Variants in PPP1R13B observed in about 807,000 individuals in gnomAD.
PPP1R13B encodes the protein protein phosphatase 1 regulatory subunit 13B.
A neutral mutation model predicts 119.8 loss-of-function variants in PPP1R13B; 44 were observed. The observed-to-expected ratio is 0.37, with a 90% confidence interval of 0.29 to 0.47. PPP1R13B has a LOEUF of 0.47. Ranked by LOEUF, PPP1R13B falls within the 20% of genes least tolerant of loss-of-function variation. PPP1R13B has a pLI of 0.99. For synonymous variants in PPP1R13B, 542 were observed against 561.5 expected (o/e 0.97, Z 0.49); for missense variants, 1,227 against 1,413.5 (o/e 0.87, Z 2.12).
intron 4 of PPP1R13B, chr14:103,778,514 T>C (rs2085263946): frequency 4.6e-6 from 2 of 439,448 alleles, no homozygotes; most frequent in Non-Finnish European, 8.1e-6. Context: ...TGCGCCTCAG[T>C]CTCCCAAAGT....
intron 11 of PPP1R13B, among the ~76,000 whole-genome samples, 183 bp downstream of exon 11, chr14:103,741,604 GCCT>G (rs1294470576): frequency 3.9e-5 from 6 of 152,196 alleles, no homozygotes; most frequent in African/African-American, 1.4e-4. Flanking sequence ...CTGCAAAACA[GCCT>G]CCTCCATGCA....
chr14:103,800,725 T>C (rs1223382238), intron 1 of PPP1R13B, among the ~76,000 whole-genome samples: 1 of 152,124 alleles, frequency 6.6e-6, no homozygotes, highest in Non-Finnish European at 1.5e-5. Context: ...TCCTACATTC[T>C]GAAATTAAGC....
rs747982510 is a variant in PPP1R13B at position 103,845,707 on chromosome 14, A to T, written c.9+1592T>A. ...GAAGCCAGCCAAAATTTTTCTAGAT[A>T]TCCTTCAATGCCACCACAGTATGAA... On this transcript the variant is annotated intron_variant, in intron 1 of 16. Coordinates refer to ENST00000202556, the MANE Select transcript of PPP1R13B (RefSeq NM_015316.3). Among the ~76,000 whole-genome samples, 13 of 152,196 alleles carry T rather than the reference A, an allele frequency of 8.5e-5. 1 individual carries two copies. The highest frequency in any genetic ancestry group is 1.8e-4 in the Non-Finnish European group (12 of 68,034).
chr14:103,792,903 T>C (rs1342279879), intron 2 of PPP1R13B, among the ~76,000 whole-genome samples: 1 of 151,842 alleles, frequency 6.6e-6, no homozygotes, highest in Non-Finnish European at 1.5e-5. Context: ...ACCTCGTCTC[T>C]ACTAAAAAAT....
At chr14:103,847,962 G>T (rs1404912477), upstream of PPP1R13B, among the ~76,000 whole-genome samples, 2 of 151,676 alleles carry the variant, frequency 1.3e-5, no homozygotes, top group Non-Finnish European at 2.9e-5. Flanking sequence ...GGCCGGGAGC[G>T]TCCCTGCGGC....
intron 8 of PPP1R13B, among the ~76,000 whole-genome samples, chr14:103,748,482 A>T (rs2151975017): frequency 6.6e-6 from 1 of 152,338 alleles, no homozygotes; most frequent in African/African-American, 2.4e-5. Context: ...GTAGAGGCTA[A>T]CAAGAGGACA....
chr14:103,814,378 T>C (rs1179872972), intron 1 of PPP1R13B, among the ~76,000 whole-genome samples: 1 of 151,848 alleles, frequency 6.6e-6, no homozygotes. Flanking sequence ...ATAAATAAAA[T>C]AATAATTTGT....
At chr14:103,804,084 G>T (rs1164168199) in intron 1 of PPP1R13B, 8 of 983,860 alleles carry the variant, frequency 8.1e-6, no homozygotes, top group Non-Finnish European at 9.7e-6. Context: ...GTCTTAACTT[G>T]CTCCATTTTT....
chr14:103,757,206 C>T (rs923546078), intron 5 of PPP1R13B, among the ~76,000 whole-genome samples: 1 of 152,056 alleles, frequency 6.6e-6, no homozygotes, highest in Admixed American at 6.6e-5. Flanking sequence ...ACCACAGCCA[C>T]ATGCCACCAT....
chr14:103,838,064 A>T (rs2086818222), intron 1 of PPP1R13B, among the ~76,000 whole-genome samples: 1 of 151,960 alleles, frequency 6.6e-6, no homozygotes, highest in African/African-American at 2.4e-5. Context: ...GGTTGCAGTG[A>T]GCCGAGATCA....
intron 1 of PPP1R13B, among the ~76,000 whole-genome samples, chr14:103,820,246 A>G (rs747781111): frequency 9.8e-5 from 15 of 152,314 alleles, no homozygotes; most frequent in Admixed American, 2.0e-4. Flanking sequence ...TCCTCTGTTC[A>G]GCAAACACAG....
At chr14:103,771,616 G>A (rs1250740908) in intron 4 of PPP1R13B, among the ~76,000 whole-genome samples, 1 of 151,658 alleles carries the variant, frequency 6.6e-6, no homozygotes, top group African/African-American at 2.4e-5. Context: ...GAGTAGTTGG[G>A]ATTACAGGCG....
At chr14:103,793,165 G>T (rs796700474) in intron 2 of PPP1R13B, among the ~76,000 whole-genome samples, 1 of 150,068 alleles carries the variant, frequency 6.7e-6, no homozygotes, top group African/African-American at 2.5e-5. Context: ...GAAGGGAAGA[G>T]AAGGGAGAGA....
chr14:103,809,003 G>A, intron 1 of PPP1R13B, among the ~76,000 whole-genome samples: 1 of 152,042 alleles, frequency 6.6e-6, no homozygotes, highest in East Asian at 1.9e-4. Context: ...TCAAGTAGCT[G>A]AGACTGTAAA....
In PPP1R13B at chr14:103,749,883, C is replaced by T. The variant is rs376794537; in HGVS notation, c.880G>A (p.Glu294Lys). 1 of 1,614,128 alleles carries T rather than the reference C, an allele frequency of 6.2e-7. No homozygotes were observed. The highest frequency in any genetic ancestry group is 8.5e-7 in the Non-Finnish European group (1 of 1,180,014). ...TCCATGTTGCGCTTATTTAAGAGTT[C>T]CTTCTGCTGCTGAAGTTTTGAATTT... ...EQNSKLQQQK[E>K]LLNKRNMEVA... Residue 294 changes from glutamate to lysine, a missense_variant, in exon 8 of 17, where the codon GAA (glutamate) becomes AAA (lysine). Transcript: ENST00000202556.
intron 4 of PPP1R13B, among the ~76,000 whole-genome samples, chr14:103,770,984 G>T (rs2085053494): frequency 6.6e-6 from 1 of 152,184 alleles, no homozygotes; most frequent in African/African-American, 2.4e-5. Flanking sequence ...TCATTCCATT[G>T]TGGAGAGTCC....
At chr14:103,794,307 G>A (rs889737368) in intron 2 of PPP1R13B, among the ~76,000 whole-genome samples, 1 of 147,176 alleles carries the variant, frequency 6.8e-6, no homozygotes, top group Non-Finnish European at 1.5e-5. Flanking sequence ...CAGCAGTTAT[G>A]GGGGCAGTAA....
intron 2 of PPP1R13B, among the ~76,000 whole-genome samples, chr14:103,790,272 A>T: frequency 6.6e-6 from 1 of 151,580 alleles, no homozygotes; most frequent in East Asian, 1.9e-4. Flanking sequence ...AAATGAAAAC[A>T]TGTCCACACA....
At chr14:103,736,485 G>C (rs1009669546) in intron 15 of PPP1R13B, 3 of 517,756 alleles carry the variant, frequency 5.8e-6, no homozygotes, top group African/African-American at 5.7e-5. Context: ...CTGTTCTTAA[G>C]GTGACGCTTA....
Sources: gnomAD v4.1 joint callset for allele counts (sites outside exome capture counted in the v4.1 genomes callset) on GRCh38, gnomAD v4.1.1 for gene constraint, MANE v1.5 for transcripts, NCBI Gene and HGNC (gene_info 2026-07-23, HGNC 2026-07-21) for gene names.